TENM1: variants seen among roughly 807,000 people sequenced by gnomAD.
TENM1 encodes the protein teneurin transmembrane protein 1.
In TENM1, 35 loss-of-function variants were observed where a neutral mutation model predicts 174.8. The observed-to-expected ratio is 0.20, with a 90% CI of 0.15 to 0.27. TENM1 has a LOEUF of 0.27. Among genes scored for constraint, TENM1 ranks in the 10% least tolerant of loss-of-function variants. TENM1 has a pLI of 1.00. For synonymous variants in TENM1, 781 were observed against 798.7 expected (o/e 0.98, Z 0.37); for missense variants, 1,633 against 2,130.1 (o/e 0.77, Z 4.59).
chrX:124,481,853 C>T lies in TENM1; in HGVS notation c.3828G>A (p.Thr1276=), dbSNP rs775911157. ...CTTCAAAATTCTTGGACAGATCTTT[C>T]GTCTCCACAAGAGATTTCAACTTGT... Residue 1276 remains threonine (T), a synonymous_variant, in exon 22 of 32, where the codon ACG becomes ACA. Transcript: ENST00000422452. 1.6e-5 allele frequency: 19 copies of T among 1,203,369 alleles called. No individual in the cohort carries two copies. In the Admixed American group the frequency reaches 3.3e-4, roughly 21 times the overall value.
the TENM1 span, among the ~76,000 whole-genome samples, chrX:125,066,676 TA>T: frequency 1.8e-5 from 2 of 111,979 alleles, no homozygotes; most frequent in African/African-American, 6.5e-5. Context: ...AATATTTTAT[TA>T]TTTTTTTCAA....
At chrX:124,529,313 T>C (rs139678974) in intron 16 of TENM1, among the ~76,000 whole-genome samples, 147 of 112,098 alleles carry the variant, frequency 1.3e-3, no homozygotes, top group Admixed American at 0.012. Flanking sequence ...TTCTCAGATC[T>C]TAGAGAACCC....
At chrX:124,994,961 T>C in the TENM1 span, among the ~76,000 whole-genome samples, 7 of 111,280 alleles carry the variant, frequency 6.3e-5, no homozygotes, top group African/African-American at 2.0e-4. Flanking sequence ...AAAGGCCCTA[T>C]ACAATCTAGC....
At chrX:125,088,137 T>C in the TENM1 span, among the ~76,000 whole-genome samples, 1 of 111,364 alleles carries the variant, frequency 9.0e-6, no homozygotes. Flanking sequence ...TAAATGGCAT[T>C]TTATATGCTT....
chrX:125,189,024 G>T, the TENM1 span, among the ~76,000 whole-genome samples: 1 of 112,352 alleles, frequency 8.9e-6, no homozygotes, highest in East Asian at 2.8e-4. Context: ...GGCTGATTCT[G>T]CAAGGAGGCT....
the TENM1 span, among the ~76,000 whole-genome samples, chrX:125,133,468 C>T: frequency 4.5e-5 from 5 of 111,506 alleles, no homozygotes; most frequent in African/African-American, 1.6e-4. Flanking sequence ...CCCAAGGTTA[C>T]AAACGATACT....
At chrX:125,015,018 A>G in the TENM1 span, among the ~76,000 whole-genome samples, 1 of 111,102 alleles carries the variant, frequency 9.0e-6, no homozygotes, top group Non-Finnish European at 1.9e-5. Flanking sequence ...ATCTGTTAAC[A>G]GGTCATGTAA....
chrX:124,544,205 C>T (rs1325503414), intron 15 of TENM1, among the ~76,000 whole-genome samples: 3 of 112,494 alleles, frequency 2.7e-5, no homozygotes, highest in Non-Finnish European at 5.6e-5. Flanking sequence ...TCCTACAGTC[C>T]GAGATGTATA....
At chrX:124,538,433 C>A (rs1002766310) in intron 15 of TENM1, among the ~76,000 whole-genome samples, 4 of 111,576 alleles carry the variant, frequency 3.6e-5, no homozygotes, top group Non-Finnish European at 7.5e-5. Flanking sequence ...AGCAGGTCAT[C>A]TGCAGTGCCT....
chrX:125,059,534 T>C, the TENM1 span, among the ~76,000 whole-genome samples: 4 of 110,978 alleles, frequency 3.6e-5, no homozygotes, highest in Non-Finnish European at 7.6e-5. Context: ...ATGTTGTACA[T>C]TAAATCTCTA....
rs368658790 is a variant in TENM1, at chrX:124,937,814, T to C, written c.217+25723A>G. 8.0e-5 allele frequency among the ~76,000 whole-genome samples: 9 copies of C among 112,019 alleles called. No individual in the cohort carries two copies. The East Asian group carries it at 2.0e-3, about 24-fold the overall frequency. On this transcript the variant is annotated intron_variant, in intron 1 of 31. Transcript: ENST00000422452. Reference sequence around the variant, plus strand: ...CATCCTGCCTCATATAGCAACTCGATGGGCTATGTCATTGCAGTATATTAT... The same window carrying C: ...CATCCTGCCTCATATAGCAACTCGACGGGCTATGTCATTGCAGTATATTAT...
chrX:124,755,411 C>A (rs1388191104), intron 3 of TENM1, among the ~76,000 whole-genome samples: 2 of 111,013 alleles, frequency 1.8e-5, no homozygotes, highest in Admixed American at 1.9e-4. Flanking sequence ...TTCCTGAATA[C>A]AGCACACTGA....
At chrX:124,593,112 C>T (rs1039621557) in intron 11 of TENM1, among the ~76,000 whole-genome samples, 27 of 111,647 alleles carry the variant, frequency 2.4e-4, no homozygotes, top group African/African-American at 8.2e-4. Flanking sequence ...TAGGCAGGTC[C>T]ACCTACAGAT....
intron 23 of TENM1, among the ~76,000 whole-genome samples, chrX:124,450,446 T>C (rs1468172865): frequency 9.0e-6 from 1 of 111,359 alleles, no homozygotes; most frequent in Non-Finnish European, 1.9e-5. Context: ...TTGCCCCTCC[T>C]TGCCTTCTAC....
At chrX:125,124,743 G>A in the TENM1 span, among the ~76,000 whole-genome samples, 2 of 112,241 alleles carry the variant, frequency 1.8e-5, no homozygotes, top group Non-Finnish European at 3.8e-5. Context: ...AAGATGTTAA[G>A]GCAATTTTCT....
At chrX:125,047,446 T>C in the TENM1 span, among the ~76,000 whole-genome samples, 1 of 111,600 alleles carries the variant, frequency 9.0e-6, no homozygotes, top group East Asian at 2.8e-4. Flanking sequence ...AAATAAATCA[T>C]CAAGAAAATT....
intron 22 of TENM1, among the ~76,000 whole-genome samples, chrX:124,464,853 G>A (rs775026618): frequency 1.8e-5 from 2 of 111,856 alleles, no homozygotes; most frequent in African/African-American, 3.3e-5. Flanking sequence ...GCACAAGAAC[G>A]CGACATTGAG....
intron 5 of TENM1, among the ~76,000 whole-genome samples, chrX:124,676,748 C>T (rs1024628606): frequency 1.8e-5 from 2 of 108,284 alleles, no homozygotes; most frequent in Non-Finnish European, 3.8e-5. Context: ...TTTCTTTCTG[C>T]GTACTGTTAG....
intron 11 of TENM1, among the ~76,000 whole-genome samples, chrX:124,603,669 T>C (rs1490924416): frequency 5.4e-5 from 6 of 111,942 alleles, no homozygotes; most frequent in Non-Finnish European, 9.4e-5. Context: ...ATAACTTATG[T>C]TCTAAATAAG....
Sources: allele counts gnomAD v4.1 joint callset (sites outside exome capture counted in the v4.1 genomes callset), GRCh38; gene constraint gnomAD v4.1.1; transcripts MANE v1.5; gene names NCBI Gene and HGNC (gene_info 2026-07-23, HGNC 2026-07-21).